DLGAP2: variants seen among roughly 807,000 people sequenced by gnomAD.
DLGAP2 encodes the protein disks large-associated protein 2.
In DLGAP2, 26 loss-of-function variants were observed where a neutral mutation model predicts 100.3. That is an observed-to-expected ratio of 0.26 (90% CI 0.19 to 0.36). DLGAP2 has a LOEUF of 0.36. DLGAP2 is among the 10% of genes least tolerant of loss of function. The pLI, the probability that DLGAP2 is intolerant of heterozygous loss-of-function variation, is 1.00. For synonymous variants in DLGAP2, 886 were observed against 630.1 expected (o/e 1.41, Z -6.08); for missense variants, 1,858 against 1,453.2 (o/e 1.28, Z -4.53).
chr8:1,618,215 C>T (rs1421820665), intron 6 of DLGAP2, among the ~76,000 whole-genome samples: 1 of 152,058 alleles, frequency 6.6e-6, no homozygotes, highest in Non-Finnish European at 1.5e-5. Flanking sequence ...ACATAGAAAA[C>T]CTAAGGAAAC....
At chr8:1,279,503 G>A (rs930139775) in intron 3 of DLGAP2, among the ~76,000 whole-genome samples, 2 of 152,202 alleles carry the variant, frequency 1.3e-5, no homozygotes, top group Non-Finnish European at 2.9e-5. Flanking sequence ...GAGGGAAATT[G>A]CAATTCTAGA....
At chr8:1,344,000 C>T (rs73170477) in intron 3 of DLGAP2, among the ~76,000 whole-genome samples, 34,206 of 152,180 alleles carry the variant, frequency 0.22, 4,340 homozygotes, top group East Asian at 0.43. Flanking sequence ...CATTTACCAA[C>T]GTCCTATTCA....
intron 1 of DLGAP2, among the ~76,000 whole-genome samples, chr8:889,422 C>G (rs1797989571): frequency 6.6e-6 from 1 of 152,182 alleles, no homozygotes; most frequent in Non-Finnish European, 1.5e-5. Context: ...GGTCCAGAGA[C>G]TGTGGCCACC....
chr8:959,199 A>C (rs1799665194), intron 2 of DLGAP2, among the ~76,000 whole-genome samples: 1 of 152,244 alleles, frequency 6.6e-6, no homozygotes, highest in Non-Finnish European at 1.5e-5. Context: ...ACGTCTCCAA[A>C]AGACATGTAA....
At chr8:1,580,181 C>T (rs1011148809) in intron 6 of DLGAP2, among the ~76,000 whole-genome samples, 3 of 152,164 alleles carry the variant, frequency 2.0e-5, no homozygotes, top group Non-Finnish European at 4.4e-5. Flanking sequence ...CATGGATGTT[C>T]CTTCAAACTC....
intron 4 of DLGAP2, among the ~76,000 whole-genome samples, chr8:1,534,230 T>TATA (rs1801079172): frequency 6.6e-6 from 1 of 152,218 alleles, no homozygotes; most frequent in Admixed American, 6.5e-5. Context: ...GGGAAACAAT[T>TATA]ATAATTACTT....
chr8:1,270,158 G>C (rs1367810991), intron 3 of DLGAP2, among the ~76,000 whole-genome samples: 2 of 152,156 alleles, frequency 1.3e-5, no homozygotes, highest in South Asian at 2.1e-4. Flanking sequence ...GGTGGGTCTT[G>C]TCTCACCAAG....
chr8:1,229,729 A>G (rs1798494720), intron 2 of DLGAP2, among the ~76,000 whole-genome samples: 1 of 152,228 alleles, frequency 6.6e-6, no homozygotes, highest in Admixed American at 6.5e-5. Flanking sequence ...ACAAATCAAT[A>G]AATGCAGTTC....
At chr8:1,063,228 A>G (rs1282578260) in intron 2 of DLGAP2, among the ~76,000 whole-genome samples, 1 of 152,234 alleles carries the variant, frequency 6.6e-6, no homozygotes, top group Non-Finnish European at 1.5e-5. Flanking sequence ...CTTCAAAAGC[A>G]GAGATTCCAA....
At chr8:759,498 T>A (rs980594063) in intron 1 of DLGAP2, among the ~76,000 whole-genome samples, 1 of 150,878 alleles carries the variant, frequency 6.6e-6, no homozygotes, top group African/African-American at 2.5e-5. Flanking sequence ...ACGGTTGACG[T>A]GGGGCTCCCT....
chr8:1,415,862 C>T (rs1796869433), intron 3 of DLGAP2, among the ~76,000 whole-genome samples: 1 of 152,166 alleles, frequency 6.6e-6, no homozygotes, highest in Non-Finnish European at 1.5e-5. Context: ...GATTTAAGTT[C>T]TTTGAGAAAT....
At chr8:788,424 C>A (rs773453630) in intron 1 of DLGAP2, among the ~76,000 whole-genome samples, 44 of 152,266 alleles carry the variant, frequency 2.9e-4, no homozygotes, top group Non-Finnish European at 5.6e-4. Flanking sequence ...TAGTTGAGGC[C>A]TTGGCGTCTG....
chr8:1,668,654 C>A lies in DLGAP2; in HGVS notation c.2136C>A (p.Ser712Arg), dbSNP rs373452458. 2.5e-6 allele frequency: 4 copies of A among 1,573,950 alleles called. No individual in the cohort carries two copies. The African/African-American group carries it at 4.0e-5, about 16-fold the overall frequency. Residue 712 changes from serine to arginine, a missense_variant, in exon 9 of 15, where the codon AGC becomes AGA. Ser to Arg is a moderately radical substitution (Grantham distance 110). Transcript: ENST00000637795. The stretch of plus-strand genomic sequence containing the variant: ...CCAAGGCGGAGGAGCTCCTCAAGAG[C>A]CGCTGCTCCTCCATCGGGATTCAGG... ...LVSKAEELLK[S>R]RCSSIGIQDS...
chr8:1,279,602 C>G (rs1799775162), intron 3 of DLGAP2, among the ~76,000 whole-genome samples: 1 of 152,212 alleles, frequency 6.6e-6, no homozygotes, highest in Non-Finnish European at 1.5e-5. Flanking sequence ...GTCTGAGAGT[C>G]CAGGGTCTGG....
At chr8:950,991 G>T (rs1218228478) in intron 2 of DLGAP2, among the ~76,000 whole-genome samples, 2 of 152,078 alleles carry the variant, frequency 1.3e-5, no homozygotes. Context: ...CTCCTGCCCT[G>T]CAGTAATCAC....
intron 1 of DLGAP2, among the ~76,000 whole-genome samples, chr8:868,164 C>T (rs1184259999): frequency 6.6e-6 from 1 of 152,178 alleles, no homozygotes; most frequent in African/African-American, 2.4e-5. Flanking sequence ...CCTATGGATA[C>T]AGTGAGTAAA....
chr8:1,110,359 C>T (rs1252668239), intron 2 of DLGAP2, among the ~76,000 whole-genome samples: 1 of 135,710 alleles, frequency 7.4e-6, no homozygotes, highest in African/African-American at 2.8e-5. Flanking sequence ...GGGTCTGGGT[C>T]TGTGATGTGT....
chr8:1,218,374 A>G (rs149194798), intron 2 of DLGAP2, among the ~76,000 whole-genome samples: 2 of 151,944 alleles, frequency 1.3e-5, no homozygotes, highest in Non-Finnish European at 2.9e-5. Context: ...GTTATTGTCA[A>G]CTTTGTCAAA....
intron 2 of DLGAP2, among the ~76,000 whole-genome samples, chr8:1,096,360 G>A (rs1804366240): frequency 6.6e-6 from 1 of 152,232 alleles, no homozygotes; most frequent in South Asian, 2.1e-4. Context: ...ATGCATTCCG[G>A]GGCATGTTCA....
Sources: allele counts gnomAD v4.1 joint callset (sites outside exome capture counted in the v4.1 genomes callset), GRCh38; gene constraint gnomAD v4.1.1; transcripts MANE v1.5; gene names NCBI Gene and HGNC (gene_info 2026-07-23, HGNC 2026-07-21).